ADAP1: variants seen among roughly 807,000 people sequenced by gnomAD.
ADAP1 encodes the protein arf-GAP with dual PH domain-containing protein 1.
ADAP1 carries 31 observed loss-of-function variants against 54.9 expected under a neutral mutation model. That is an observed-to-expected ratio of 0.56 (90% CI 0.42 to 0.76). The LOEUF is 0.76. Among genes scored for constraint, ADAP1 ranks in the 30% least tolerant of loss-of-function variants. The probability of loss-of-function intolerance (pLI) is 0.00; values close to 1 mark genes in which losing one functional copy is unlikely to be tolerated. For synonymous variants in ADAP1, 313 were observed against 202.6 expected (o/e 1.55, Z -4.63); for missense variants, 535 against 512.4 (o/e 1.04, Z -0.42).
At chr7:915,023 G>C (rs1355715432) in intron 4 of ADAP1, among the ~76,000 whole-genome samples, 1 of 151,740 alleles carries the variant, frequency 6.6e-6, no homozygotes, top group African/African-American at 2.4e-5. Context: ...CGGGGCTCTG[G>C]GGCCCGAGGC....
rs560647088 is a variant in ADAP1 at position 939,889 on chromosome 7, G to C, written c.83-4384C>G. On this transcript the variant is annotated intron_variant, in intron 1 of 10. Transcript: ENST00000265846. Reference sequence around the variant, plus strand: ...TAGAGGGAAAAATGGGGGTGGCACAGATGAGTGAGCCCAAGAAGGGCTTGT... The same window carrying C: ...TAGAGGGAAAAATGGGGGTGGCACACATGAGTGAGCCCAAGAAGGGCTTGT... 4.0e-5 allele frequency among the ~76,000 whole-genome samples: 6 copies of C among 151,782 alleles called. No individual in the cohort carries two copies. The East Asian group carries it at 1.2e-3, about 30-fold the overall frequency.
intron 1 of ADAP1, 86 bp from the exon 2 acceptor site, chr7:935,591 G>C: frequency 1.3e-6 from 2 of 1,498,028 alleles, no homozygotes; most frequent in Middle Eastern, 1.9e-4. Flanking sequence ...AGGAGCCCCC[G>C]GCCATGCAGT....
intron 1 of ADAP1, among the ~76,000 whole-genome samples, chr7:940,518 T>G (rs1310938198): frequency 1.3e-5 from 2 of 152,162 alleles, no homozygotes; most frequent in African/African-American, 4.8e-5. Context: ...GGAGTTTTAC[T>G]AGGATGACTA....
rs1554270398 is a variant in ADAP1, at chr7:900,894, G to GAAGGGCCGAAGGGCCA, written c.649-279_649-278insTGGCCCTTCGGCCCTT. The GAAGGGCCGAAGGGCCA allele has an allele frequency of 4.4e-3, 2,618 of 601,272 alleles. 13 individuals are homozygous for GAAGGGCCGAAGGGCCA. The highest frequency in any genetic ancestry group is 5.5e-3 in the Non-Finnish European group (1,724 of 314,704). 37.2% of individuals were successfully genotyped at this position (601,272 alleles called of 1,614,324 possible). On this transcript the variant is annotated intron_variant, in intron 6 of 10. Coordinates refer to ENST00000265846, the MANE Select transcript of ADAP1 (RefSeq NM_006869.4). ...GGCCGAAGGGCCGAAGGGCCGGGCC[G>GAAGGGCCGAAGGGCCA]GGCCGGGCTGGACAGGGTCGGGGGC...
rs547878924 is a variant in ADAP1, at chr7:926,516, C to T, written c.305+37G>A. ...GGGGCCATCTCGGAGCCACCCAGCA[C>T]TTGACCATGGCCCTGACAAGGCCCC... On this transcript the variant is annotated intron_variant, in intron 3 of 10. Transcript: ENST00000265846. The surrounding 1 kb of genome is among the most constrained non-coding windows in gnomAD (Gnocchi z 4.6). 8 of 1,500,418 alleles carry T rather than the reference C, an allele frequency of 5.3e-6. No homozygotes were observed. Among genetic ancestry groups the T allele is most frequent in the East Asian group, 2.8e-5 (1 of 36,282 alleles). The allele number at this position is 1,500,418 out of a possible 1,614,324, so 92.9% of individuals were successfully genotyped here.
Position 926,747 on chromosome 7 carries a change from A to T in ADAP1, c.214-103T>A. The stretch of plus-strand genomic sequence containing the variant: ...GTCACCACAGTGACCCGCAGACCCA[A>T]GGCTCTGAGGGCTCCACCAGCACCA... On this transcript the variant is annotated intron_variant, in intron 2 of 10. Transcript: ENST00000265846. This position sits in a 1 kb window ranked among gnomAD's most constrained non-coding sequence, Gnocchi z 4.6. The T allele has an allele frequency of 2.2e-6, 2 of 927,948 alleles. No individual in the cohort carries two copies. The highest frequency in any genetic ancestry group is 1.8e-5 in the South Asian group (1 of 55,010). 57.5% of individuals were successfully genotyped at this position (927,948 alleles called of 1,614,324 possible). A position where few individuals can be genotyped will look rare whatever the true frequency, so the allele number is the denominator to read the frequency against.
rs551849292 is a variant in ADAP1, at chr7:939,705, C to G, written c.83-4200G>C. Among the ~76,000 whole-genome samples the G allele has an allele frequency of 9.2e-5, 14 of 151,960 alleles. 1 individual carries two copies. In the South Asian group the frequency reaches 2.9e-3, roughly 32 times the overall value. Reference sequence around the variant, plus strand: ...AATTAGCCGGGCGTGGTGGCGGGTGCCTGTAATCCCAGCTACTTGGGAGGC... The same window carrying G: ...AATTAGCCGGGCGTGGTGGCGGGTGGCTGTAATCCCAGCTACTTGGGAGGC... On this transcript the variant is annotated intron_variant, in intron 1 of 10. Coordinates refer to ENST00000265846, the MANE Select transcript of ADAP1 (RefSeq NM_006869.4).
At position 946,128 on chromosome 7, in the gene ADAP1, G is replaced by A. The variant is rs80116805; in HGVS notation, c.82+8268C>T. Among the ~76,000 whole-genome samples the A allele has an allele frequency of 0.17, 26,167 of 152,194 alleles. 2,413 individuals carry two copies. Among genetic ancestry groups the A allele is most frequent in the Middle Eastern group, 0.24 (70 of 294 alleles). ...AGCTACGTGAGGCGGGGCATGCATG[G>A]CTGTCCCCCAGGCACACAGCGCCCC... is the stretch of plus-strand genomic sequence containing the variant. On this transcript the variant is annotated intron_variant, in intron 1 of 10. Transcript: ENST00000265846. This position sits in a 1 kb window ranked among gnomAD's most constrained non-coding sequence, Gnocchi z 4.3.
At chr7:906,723 C>CATGGACAG (rs1437279765) in intron 4 of ADAP1, among the ~76,000 whole-genome samples, 1 of 18,470 alleles carries the variant, frequency 5.4e-5, no homozygotes, top group Non-Finnish European at 1.0e-4. Context: ...ACATCGGGGA[C>CATGGACAG]GGGACATGGG....
rs909864369 is a variant in ADAP1, at chr7:912,000, G to A, written c.389-6828C>T. On this transcript the variant is annotated intron_variant, in intron 4 of 10. Transcript: ENST00000265846. ...GCGCTGCCTGCGAGGAACGGCTGGT[G>A]ATGTTCCCAGTAGCGCCCTCGTGCC... Among the ~76,000 whole-genome samples, 8 of 152,220 alleles carry A rather than the reference G, an allele frequency of 5.3e-5. No individual in the cohort carries two copies. The East Asian group carries it at 1.5e-3, about 29-fold the overall frequency.
Position 905,382 on chromosome 7 carries a change from AGGAGAAAGGAGAAAGGAGAAAGGAGAAAG to A in ADAP1, c.389-239_389-211del, listed in dbSNP as rs1562911574. 9.7e-5 allele frequency: 26 copies of A among 269,194 alleles called. 6 individuals are homozygous for A. The African/African-American group carries it at 1.0e-3, about 11-fold the overall frequency. The allele number at this position is 269,194 out of a possible 1,614,324, so 16.7% of individuals were successfully genotyped here. A position where few individuals can be genotyped will look rare whatever the true frequency, so the allele number is the denominator to read the frequency against. The stretch of plus-strand genomic sequence containing the variant: ...AGGGAAAGGGAAAGGGAAAGGAGAA[AGGAGAAAGGAGAAAGGAGAAAGGAGAAAG>A]GGAGAAAGAGAAAGGAGAAAGGAGA... On this transcript the variant is annotated intron_variant, in intron 4 of 10. Coordinates refer to ENST00000265846, the MANE Select transcript of ADAP1 (RefSeq NM_006869.4).
chr7:912,705 GCATTT>G (rs1845773407), intron 4 of ADAP1, among the ~76,000 whole-genome samples: 1 of 152,156 alleles, frequency 6.6e-6, no homozygotes, highest in Non-Finnish European at 1.5e-5. Flanking sequence ...CACTCCTCTT[GCATTT>G]ATTTTATTTT....
rs544518697 is a variant in ADAP1, at chr7:906,816, G to C, written c.389-1644C>G. 2.0e-5 allele frequency among the ~76,000 whole-genome samples: 3 copies of C among 148,926 alleles called. No homozygotes were observed. The South Asian group carries it at 6.4e-4, about 32-fold the overall frequency. On this transcript the variant is annotated intron_variant, in intron 4 of 10. Transcript: ENST00000265846. Reference sequence around the variant, plus strand: ...CGGGACAGGGGACATGGGGGGACATGGGTCAGATGGTGATGGTGGATGGTT... The same window carrying C: ...CGGGACAGGGGACATGGGGGGACATCGGTCAGATGGTGATGGTGGATGGTT...
At chr7:943,766 C>G (rs368521846) in intron 1 of ADAP1, among the ~76,000 whole-genome samples, 9 of 19,432 alleles carry the variant, frequency 4.6e-4, no homozygotes, top group East Asian at 1.6e-3. Context: ...GAGAGGAGGA[C>G]GAAGGGAGAG....
intron 1 of ADAP1, among the ~76,000 whole-genome samples, chr7:953,716 A>C (rs1211818722): frequency 6.6e-6 from 1 of 151,886 alleles, no homozygotes; most frequent in African/African-American, 2.4e-5. Context: ...GAAGGGAGGG[A>C]CTCCGCGCCT....
chr7:899,222 C>G lies in ADAP1; in HGVS notation c.907G>C (p.Glu303Gln). 6.2e-7 allele frequency: 1 copy of G among 1,612,824 alleles called. No homozygotes were observed. The highest frequency in any genetic ancestry group is 1.1e-5 in the South Asian group (1 of 91,092). ...CCATGCAGCACCGTGTAGCCACTCT[C>G]CTTGCTGCCAATGAAGACTTCCCCT... ...ARGEVFIGSK[E>Q]SGYTVLHGFP... is the part of the protein sequence containing the mutation. Residue 303 changes from glutamate to glutamine, a missense_variant, in exon 10 of 11, where the codon GAG becomes CAG. Glu to Gln is a conservative substitution (Grantham distance 29, BLOSUM62 2). Transcript: ENST00000265846.
intron 1 of ADAP1, among the ~76,000 whole-genome samples, chr7:950,182 C>T (rs936834806): frequency 2.0e-5 from 3 of 152,174 alleles, no homozygotes; most frequent in South Asian, 2.1e-4. Context: ...TGAAACTGGC[C>T]AGTCACAAAA....
chr7:918,370 C>T (rs1417646188), intron 4 of ADAP1, among the ~76,000 whole-genome samples: 2 of 152,232 alleles, frequency 1.3e-5, no homozygotes, highest in African/African-American at 4.8e-5. Flanking sequence ...GTGGTGCCAC[C>T]ATATCCAGCT....
intron 1 of ADAP1, among the ~76,000 whole-genome samples, chr7:940,449 C>A (rs529433629): frequency 6.6e-6 from 1 of 151,760 alleles, no homozygotes. Flanking sequence ...GAGACAGGAG[C>A]AACACAAGGT....
Sources: gnomAD v4.1 joint callset for allele counts (sites outside exome capture counted in the v4.1 genomes callset) on GRCh38, gnomAD v4.1.1 for gene constraint, Gnocchi (gnomAD v3.1) non-coding constraint, MANE v1.5 for transcripts, NCBI Gene and HGNC (gene_info 2026-07-23, HGNC 2026-07-21) for gene names.